MAF: variants seen among roughly 807,000 people sequenced by gnomAD.
The protein encoded by MAF is MAF bZIP transcription factor, also known as transcription factor Maf.
MAF carries 10 observed loss-of-function variants against 22.0 expected under a neutral mutation model. The observed-to-expected ratio is 0.45, with a 90% CI of 0.28 to 0.77. MAF has a LOEUF of 0.77. MAF is among the 30% of genes least tolerant of loss of function. The probability of loss-of-function intolerance (pLI) is 0.12; values close to 1 mark genes in which losing one functional copy is unlikely to be tolerated. For missense variants in MAF, 544 were observed against 548.4 expected (o/e 0.99, Z 0.08); for synonymous variants, 337 against 255.8 (o/e 1.32, Z -3.03).
the MAF span, chr16:79,202,984 G>A: frequency 6.6e-6 from 1 of 152,130 alleles, no homozygotes; most frequent in African/African-American, 2.4e-5. Flanking sequence ...CATAATCAAG[G>A]TTAATTTTTG....
the MAF span, among the ~76,000 whole-genome samples, chr16:79,399,164 G>C: frequency 2.0e-5 from 3 of 152,284 alleles, no homozygotes; most frequent in East Asian, 5.8e-4. Context: ...CTCTAGCCTT[G>C]AGTAATTATA....
chr16:79,583,305 C>T (rs143985668), downstream of MAF, among the ~76,000 whole-genome samples: 43 of 152,298 alleles, frequency 2.8e-4, no homozygotes, highest in African/African-American at 1.0e-3. Flanking sequence ...GAATTCATGT[C>T]ATCGGATTAG....
At chr16:79,314,620 G>C in the MAF span, among the ~76,000 whole-genome samples, 1 of 152,206 alleles carries the variant, frequency 6.6e-6, no homozygotes, top group Non-Finnish European at 1.5e-5. Flanking sequence ...AGGTAAGCCA[G>C]AGCCAATTCA....
the MAF span, among the ~76,000 whole-genome samples, chr16:79,351,439 T>C: frequency 2.0e-5 from 3 of 152,146 alleles, no homozygotes; most frequent in African/African-American, 7.2e-5. Flanking sequence ...AGAGGTTTTA[T>C]TGTTGTTGTG....
At chr16:79,255,935 G>C in the MAF span, among the ~76,000 whole-genome samples, 3 of 150,396 alleles carry the variant, frequency 2.0e-5, no homozygotes, top group East Asian at 1.9e-4. Context: ...TTGTTAGCTA[G>C]AGAGATGTCT....
the MAF span, among the ~76,000 whole-genome samples, chr16:79,398,132 T>G: frequency 6.6e-6 from 1 of 152,114 alleles, no homozygotes; most frequent in South Asian, 2.1e-4. Context: ...CTGCATTCCT[T>G]GGCTTGTGGC....
At chr16:79,415,232 C>T in the MAF span, among the ~76,000 whole-genome samples, 1 of 129,980 alleles carries the variant, frequency 7.7e-6, no homozygotes, top group Non-Finnish European at 1.6e-5. Context: ...GCACAGGATA[C>T]AAGTCAACAA....
the MAF span, among the ~76,000 whole-genome samples, chr16:79,306,969 A>G: frequency 6.6e-6 from 1 of 152,358 alleles, no homozygotes; most frequent in Non-Finnish European, 1.5e-5. Context: ...AGCATATGCC[A>G]TATGTACAAT....
At chr16:79,497,107 C>T in the MAF span, among the ~76,000 whole-genome samples, 1 of 152,168 alleles carries the variant, frequency 6.6e-6, no homozygotes, top group Non-Finnish European at 1.5e-5. Context: ...AAATGCAATG[C>T]CAGTGACTGT....
the MAF span, among the ~76,000 whole-genome samples, chr16:79,334,094 C>T: frequency 6.6e-6 from 1 of 152,242 alleles, no homozygotes; most frequent in African/African-American, 2.4e-5. Context: ...ACATCGGATG[C>T]AGCACATGCT....
At chr16:79,575,573 G>A in the MAF span, among the ~76,000 whole-genome samples, 1 of 152,274 alleles carries the variant, frequency 6.6e-6, no homozygotes, top group East Asian at 1.9e-4. Flanking sequence ...GAACTGGCAT[G>A]TTTAGGGTGG....
At chr16:79,502,253 C>T in the MAF span, among the ~76,000 whole-genome samples, 2 of 152,162 alleles carry the variant, frequency 1.3e-5, no homozygotes, top group Non-Finnish European at 2.9e-5. Flanking sequence ...CACAAGCCTG[C>T]TGGCCTCAGG....
chr16:79,391,408 A>G, the MAF span, among the ~76,000 whole-genome samples: 1 of 152,212 alleles, frequency 6.6e-6, no homozygotes, highest in Admixed American at 6.5e-5. Flanking sequence ...AGCCACAGAT[A>G]GGAGGGAAGC....
At chr16:79,265,549 T>A in the MAF span, among the ~76,000 whole-genome samples, 1 of 152,222 alleles carries the variant, frequency 6.6e-6, no homozygotes, top group East Asian at 1.9e-4. Context: ...ACAGTATATT[T>A]TTCCCTTGAC....
chr16:79,372,040 A>AT, the MAF span, among the ~76,000 whole-genome samples: 57,959 of 151,322 alleles, frequency 0.38, 12,928 homozygotes, highest in Non-Finnish European at 0.52. Flanking sequence ...TAAAGTTTCA[A>AT]TATATATTGG....
At chr16:79,335,494 C>T in the MAF span, among the ~76,000 whole-genome samples, 1 of 152,164 alleles carries the variant, frequency 6.6e-6, no homozygotes, top group Non-Finnish European at 1.5e-5. Context: ...GAAGGACCCT[C>T]TCCAGTGTGT....
At chr16:79,260,476 T>TATCTATATCTAA in the MAF span, among the ~76,000 whole-genome samples, 14 of 149,842 alleles carry the variant, frequency 9.3e-5, no homozygotes, top group Admixed American at 7.9e-4. Context: ...TCTATATCTA[T>TATCTATATCTAA]ATCTATATCT....
the MAF span, among the ~76,000 whole-genome samples, chr16:79,531,137 G>A: frequency 6.6e-6 from 1 of 152,194 alleles, no homozygotes; most frequent in African/African-American, 2.4e-5. Flanking sequence ...ACTAACATGA[G>A]ACATTTTAAT....
the MAF span, among the ~76,000 whole-genome samples, chr16:79,418,735 A>T: frequency 6.6e-6 from 1 of 152,142 alleles, no homozygotes; most frequent in South Asian, 2.1e-4. Flanking sequence ...AGGTTTTATG[A>T]CTTATTGTCG....
Sources: allele counts gnomAD v4.1 joint callset (sites outside exome capture counted in the v4.1 genomes callset), GRCh38; gene constraint gnomAD v4.1.1; transcripts MANE v1.5; gene names NCBI Gene and HGNC (gene_info 2026-07-23, HGNC 2026-07-21).